KLF13: variants seen among roughly 807,000 people sequenced by gnomAD.
The protein encoded by KLF13 is Krueppel-like factor 13.
In KLF13, 8 loss-of-function variants were observed where a neutral mutation model predicts 16.7. The observed-to-expected ratio is 0.48, with a 90% CI of 0.28 to 0.87. KLF13 has a LOEUF of 0.87. KLF13 is among the 40% of genes least tolerant of loss of function. KLF13 has a pLI of 0.10. For missense variants in KLF13, 447 were observed against 452.2 expected, an observed-to-expected ratio of 0.99 and a Z score of 0.10; for synonymous variants, 245 against 208.4, an observed-to-expected ratio of 1.18 and a Z score of -1.51.
At chr15:31,428,794 C>T (rs1353874158) in intron 1 of KLF13, among the ~76,000 whole-genome samples, 1 of 39,068 alleles carries the variant, frequency 2.6e-5, no homozygotes, top group East Asian at 7.0e-4. Flanking sequence ...AAGAGTGAGA[C>T]TCTATCTCAA....
chr15:31,333,938 C>T (rs1440531187), intron 1 of KLF13, among the ~76,000 whole-genome samples: 1 of 147,406 alleles, frequency 6.8e-6, no homozygotes, highest in Non-Finnish European at 1.5e-5. Context: ...ATACTGGGCA[C>T]TTCCATCGCC....
chr15:31,402,219 C>T (rs1290452022), intron 2 of KLF13, among the ~76,000 whole-genome samples: 1 of 152,224 alleles, frequency 6.6e-6, no homozygotes, highest in African/African-American at 2.4e-5. Flanking sequence ...CTGCTGCTCC[C>T]TTGCCTACAT....
At chr15:31,395,067 C>T (rs1295312989) in intron 2 of KLF13, among the ~76,000 whole-genome samples, 1 of 152,186 alleles carries the variant, frequency 6.6e-6, no homozygotes, top group African/African-American at 2.4e-5. Context: ...GCAACCTCCA[C>T]CTCCTGGATT....
chr15:31,413,207 A>C (rs28885803), intron 1 of KLF13, among the ~76,000 whole-genome samples: 3 of 125,854 alleles, frequency 2.4e-5, no homozygotes, highest in South Asian at 5.0e-4. Flanking sequence ...AAAAAACAAA[A>C]AACAAAAAAA....
chr15:31,332,266 C>G (rs560048636), intron 1 of KLF13, among the ~76,000 whole-genome samples: 4 of 152,218 alleles, frequency 2.6e-5, no homozygotes, highest in Non-Finnish European at 4.4e-5. Context: ...AGGGAGAGAC[C>G]TATTGTGTCA....
chr15:31,348,849 G>A (rs1274401533), intron 1 of KLF13, among the ~76,000 whole-genome samples: 1 of 152,164 alleles, frequency 6.6e-6, no homozygotes, highest in East Asian at 1.9e-4. Context: ...AGATTATTCT[G>A]TATCTGGTGA....
chr15:31,380,873 G>A (rs2039715362), downstream of KLF13, among the ~76,000 whole-genome samples: 1 of 152,216 alleles, frequency 6.6e-6, no homozygotes, highest in South Asian at 2.1e-4. Flanking sequence ...CACAAGGCCT[G>A]TATTAATTGC....
chr15:31,403,483 T>C (rs1045579497), exon 3 of KLF13: 3 of 152,228 alleles, frequency 2.0e-5, no homozygotes, highest in Admixed American at 6.5e-5. Flanking sequence ...AGTAGTGTCA[T>C]GAACTACTTC....
At position 31,372,227 on chromosome 15, in the gene KLF13, G is replaced by T. The variant is rs745619743; in HGVS notation, c.795G>T (p.Arg265=). The T allele has an allele frequency of 2.5e-6, 4 of 1,595,220 alleles. No homozygotes were observed. In the South Asian group the frequency reaches 3.3e-5, roughly 13 times the overall value. The change falls in exon 2 of 2, where the codon CGG becomes CGT. Residue 265 remains arginine, a synonymous_variant. Transcript: ENST00000307145. The part of the protein sequence containing the change: ...GMLQRRGGGS[R]TGSLSDYSRS... ...TGCAGCGGCGCGGCGGGGGCTCGCG[G>T]ACCGGCTCCCTCAGCGACTACAGCC... is the stretch of plus-strand genomic sequence containing the variant.
At chr15:31,356,720 C>T (rs535587862) in intron 1 of KLF13, among the ~76,000 whole-genome samples, 10 of 152,326 alleles carry the variant, frequency 6.6e-5, no homozygotes, top group South Asian at 6.2e-4. Flanking sequence ...ATGGTTTACT[C>T]GTGCGGTTTG....
chr15:31,399,834 G>T lies in KLF13; in HGVS notation n.530-3594G>T, dbSNP rs866442417. Among the ~76,000 whole-genome samples, 11 of 152,370 alleles carry T rather than the reference G, an allele frequency of 7.2e-5. 1 individual carries two copies. In the Middle Eastern group the frequency reaches 0.024, roughly 330 times the overall value. On this transcript the variant is annotated intron_variant and non_coding_transcript_variant, in intron 2 of 2. Coordinates refer to the KLF13 transcript ENST00000500533. Reference sequence around the variant, plus strand: ...CCCGATCTGCCAGGGCAGGCCACAGGGAGGGGCTGAGAGCCTGACTCTGGG... The same window carrying T: ...CCCGATCTGCCAGGGCAGGCCACAGTGAGGGGCTGAGAGCCTGACTCTGGG...
chr15:31,405,052 A>G (rs1226629851), downstream of KLF13, among the ~76,000 whole-genome samples: 3 of 152,070 alleles, frequency 2.0e-5, no homozygotes, highest in Non-Finnish European at 4.4e-5. Context: ...TGCCCCTGAA[A>G]CTCATATGTT....
chr15:31,372,402 A>T lies in KLF13; in HGVS notation c.*103A>T, dbSNP rs1179743432. 3 of 1,260,408 alleles carry T rather than the reference A, an allele frequency of 2.4e-6. No individual in the cohort carries two copies. Among genetic ancestry groups the T allele is most frequent in the East Asian group, 2.8e-5 (1 of 35,152 alleles). 78.1% of individuals were successfully genotyped at this position (1,260,408 alleles called of 1,614,324 possible). ...AGAGAACTTGATGCAAAGTCCACGA[A>T]AAAACAATTTTTTTCACCTCAGGTG... On this transcript the variant is annotated 3_prime_UTR_variant, in exon 2 of 2. Coordinates refer to ENST00000307145, the MANE Select transcript of KLF13 (RefSeq NM_015995.4).
intron 1 of KLF13, among the ~76,000 whole-genome samples, chr15:31,359,455 G>A (rs1409718041): frequency 1.3e-5 from 2 of 152,324 alleles, no homozygotes; most frequent in South Asian, 4.1e-4. Flanking sequence ...CTTAGGGATT[G>A]GGGTGCTGGG....
chr15:31,345,847 A>T (rs73381286), intron 1 of KLF13, among the ~76,000 whole-genome samples: 6,153 of 152,100 alleles, frequency 0.04, 390 homozygotes, highest in African/African-American at 0.14. Context: ...CCGTCAGTTT[A>T]CCGGGGGCAA....
upstream of KLF13, among the ~76,000 whole-genome samples, chr15:31,388,605 CAAAAAAA>C (rs5811640): frequency 6.5e-5 from 6 of 92,362 alleles, no homozygotes; most frequent in Admixed American, 2.2e-4. Flanking sequence ...AACTCTGTCT[CAAAAAAA>C]AAAAAAAAAA....
intron 1 of KLF13, among the ~76,000 whole-genome samples, chr15:31,358,519 TCA>T (rs561420304): frequency 2.0e-5 from 3 of 152,258 alleles, no homozygotes; most frequent in Non-Finnish European, 4.4e-5. Context: ...GAACACCTTT[TCA>T]CACAGTTGTT....
downstream of KLF13, among the ~76,000 whole-genome samples, chr15:31,405,142 A>G (rs2040105014): frequency 6.6e-6 from 1 of 152,142 alleles, no homozygotes; most frequent in Non-Finnish European, 1.5e-5. Flanking sequence ...GCTCTCATGA[A>G]TGAGGTTAGT....
intron 1 of KLF13, among the ~76,000 whole-genome samples, chr15:31,413,115 CAGAA>C (rs1411947375): frequency 2.2e-5 from 3 of 137,896 alleles, no homozygotes; most frequent in Non-Finnish European, 3.0e-5. Flanking sequence ...TGGCCAGAGA[CAGAA>C]AGAGAGTGCT....
Sources: gnomAD v4.1 joint callset for allele counts (sites outside exome capture counted in the v4.1 genomes callset) on GRCh38, gnomAD v4.1.1 for gene constraint, MANE v1.5 for transcripts, NCBI Gene and HGNC (gene_info 2026-07-23, HGNC 2026-07-21) for gene names.